KCND2: variants seen among roughly 807,000 people sequenced by gnomAD.
The protein encoded by KCND2 is potassium voltage-gated channel subfamily D member 2.
Under a neutral mutation model 54.4 loss-of-function variants are expected in KCND2, and 16 were observed. The observed-to-expected ratio is 0.29, with a 90% CI of 0.20 to 0.45. The LOEUF (loss-of-function observed/expected upper bound fraction) is 0.45. Ranked by LOEUF, KCND2 falls within the 20% of genes least tolerant of loss-of-function variation. The probability of loss-of-function intolerance (pLI) is 1.00; values close to 1 mark genes in which losing one functional copy is unlikely to be tolerated. For synonymous variants in KCND2, 317 were observed against 310.7 expected (o/e 1.02, Z -0.21); for missense variants, 486 against 824.2 (o/e 0.59, Z 5.02).
rs1799106040 is a variant in KCND2, at chr7:120,273,255, G to A, written c.-1378G>A. On this transcript the variant is annotated 5_prime_UTR_variant, in exon 1 of 6. Coordinates refer to ENST00000331113, the MANE Select transcript of KCND2 (RefSeq NM_012281.3). ...TTGATCGCACTAGCAGAGCAGCGCG[G>A]GGAGCCCGGGGAGATGCAGGACCAC... Among the ~76,000 whole-genome samples the A allele has an allele frequency of 1.3e-5, 2 of 151,838 alleles. No individual in the cohort carries two copies. The highest frequency in any genetic ancestry group is 2.9e-5 in the Non-Finnish European group (2 of 67,852).
At chr7:120,354,104 C>G (rs1800456081) in intron 1 of KCND2, among the ~76,000 whole-genome samples, 1 of 152,054 alleles carries the variant, frequency 6.6e-6, no homozygotes, top group Non-Finnish European at 1.5e-5. Flanking sequence ...GTTCAGTTGA[C>G]AAACTGAACC....
At chr7:120,489,154 A>G (rs1285900825) in intron 1 of KCND2, among the ~76,000 whole-genome samples, 1 of 152,110 alleles carries the variant, frequency 6.6e-6, no homozygotes, top group Non-Finnish European at 1.5e-5. Context: ...AACTAATATC[A>G]TCTTATCATC....
At chr7:120,714,200 T>A (rs1183683146) in intron 1 of KCND2, among the ~76,000 whole-genome samples, 1 of 152,138 alleles carries the variant, frequency 6.6e-6, no homozygotes, top group African/African-American at 2.4e-5. Context: ...AAAGTAAACA[T>A]CTTTTTATGT....
chr7:120,391,901 G>T (rs979479193), intron 1 of KCND2, among the ~76,000 whole-genome samples: 8 of 152,172 alleles, frequency 5.3e-5, no homozygotes, highest in Non-Finnish European at 1.2e-4. Context: ...CTTTTGCTGA[G>T]AAGAAGCTCT....
chr7:120,354,635 C>A (rs1800469592), intron 1 of KCND2, among the ~76,000 whole-genome samples: 1 of 152,182 alleles, frequency 6.6e-6, no homozygotes, highest in Non-Finnish European at 1.5e-5. Context: ...GTGGTCTTAA[C>A]TACTTGAGGG....
At chr7:120,699,734 T>C (rs1271674634) in intron 1 of KCND2, among the ~76,000 whole-genome samples, 1 of 152,172 alleles carries the variant, frequency 6.6e-6, no homozygotes, top group African/African-American at 2.4e-5. Context: ...AAGAATACTC[T>C]TGAAGGAAGA....
At chr7:120,426,620 C>T (rs192592398) in intron 1 of KCND2, among the ~76,000 whole-genome samples, 1,155 of 105,846 alleles carry the variant, frequency 0.011, 12 homozygotes, top group Middle Eastern at 0.054. Context: ...GATGGAGTCT[C>T]GCTCTGTCGC....
chr7:120,527,928 A>T (rs1791796486), intron 1 of KCND2, among the ~76,000 whole-genome samples: 1 of 152,144 alleles, frequency 6.6e-6, no homozygotes, highest in South Asian at 2.1e-4. Flanking sequence ...TAGAGCAGGG[A>T]TATTTAGCCA....
chr7:120,472,087 T>G (rs1802462903), intron 1 of KCND2, among the ~76,000 whole-genome samples: 1 of 151,878 alleles, frequency 6.6e-6, no homozygotes, highest in Non-Finnish European at 1.5e-5. Flanking sequence ...ATATTCCAAC[T>G]ATATAGTTTG....
chr7:120,351,144 T>C (rs895134294), intron 1 of KCND2, among the ~76,000 whole-genome samples: 4 of 150,628 alleles, frequency 2.7e-5, no homozygotes, highest in African/African-American at 9.7e-5. Context: ...TTATATATTT[T>C]GTATTGTGCA....
At chr7:120,412,272 T>C (rs1246798977) in intron 1 of KCND2, among the ~76,000 whole-genome samples, 1 of 152,028 alleles carries the variant, frequency 6.6e-6, no homozygotes, top group African/African-American at 2.4e-5. Flanking sequence ...TCACACAGGT[T>C]CCTCTCTTGA....
chr7:120,683,631 CTG>C (rs1019318913), intron 1 of KCND2, among the ~76,000 whole-genome samples: 3 of 152,070 alleles, frequency 2.0e-5, no homozygotes, highest in African/African-American at 7.2e-5. Context: ...TTATGACATT[CTG>C]TGTCTAGAGA....
At chr7:120,543,018 A>T (rs1179580016) in intron 1 of KCND2, among the ~76,000 whole-genome samples, 1 of 152,046 alleles carries the variant, frequency 6.6e-6, no homozygotes, top group Admixed American at 6.6e-5. Flanking sequence ...ATATGCACAC[A>T]TACACACAGC....
At chr7:120,340,920 G>A (rs188386316) in intron 1 of KCND2, among the ~76,000 whole-genome samples, 2 of 152,270 alleles carry the variant, frequency 1.3e-5, no homozygotes, top group East Asian at 3.9e-4. Flanking sequence ...TTGTTTTGCT[G>A]GTGGTGATTA....
chr7:120,624,596 A>G (rs1181941981), intron 1 of KCND2, among the ~76,000 whole-genome samples: 1 of 152,064 alleles, frequency 6.6e-6, no homozygotes, highest in Non-Finnish European at 1.5e-5. Flanking sequence ...CCTGGACAAC[A>G]TAATAAGACC....
intron 1 of KCND2, among the ~76,000 whole-genome samples, chr7:120,410,532 A>G (rs148484111): frequency 6.1e-4 from 93 of 151,972 alleles, no homozygotes; most frequent in Non-Finnish European, 8.8e-5. Context: ...CTCTACATTT[A>G]TTTATGTCTT....
chr7:120,317,067 C>A (rs1478622727), intron 1 of KCND2, among the ~76,000 whole-genome samples: 3 of 152,074 alleles, frequency 2.0e-5, no homozygotes, highest in Non-Finnish European at 4.4e-5. Context: ...GATCTCCTGA[C>A]CTCGTGATCC....
At chr7:120,329,396 G>C (rs1800030188) in intron 1 of KCND2, among the ~76,000 whole-genome samples, 1 of 151,628 alleles carries the variant, frequency 6.6e-6, no homozygotes, top group South Asian at 2.1e-4. Flanking sequence ...ATGTAGCTTA[G>C]TATTTTTTTA....
In KCND2 at chr7:120,489,623, A is replaced by G. The variant is rs1802747142; in HGVS notation, c.1115+213876A>G. ...TCATATTGCATTTACAGAGATTTCC[A>G]TAGAGATTAAAATGCTTTCATTTAA... On this transcript the variant is annotated intron_variant, in intron 1 of 5. Transcript: ENST00000331113. Among the ~76,000 whole-genome samples, 5 of 152,186 alleles carry G rather than the reference A, an allele frequency of 3.3e-5. No individual in the cohort carries two copies. In the South Asian group the frequency reaches 1.0e-3, roughly 32 times the overall value.
Sources: allele counts gnomAD v4.1 joint callset (sites outside exome capture counted in the v4.1 genomes callset), GRCh38; gene constraint gnomAD v4.1.1; transcripts MANE v1.5; gene names NCBI Gene and HGNC (gene_info 2026-07-23, HGNC 2026-07-21).